The following AMOTL1 variants were observed in gnomAD, a reference collection of about 807,000 sequenced individuals.
The protein encoded by AMOTL1 is angiomotin-like protein 1.
AMOTL1 carries 45 observed loss-of-function variants against 102.9 expected under a neutral mutation model. The observed-to-expected ratio is 0.44, with a 90% CI of 0.34 to 0.56. The LOEUF (loss-of-function observed/expected upper bound fraction) is 0.56, where lower values mean the gene tolerates loss of function less well. Ranked by LOEUF, AMOTL1 falls within the 20% of genes least tolerant of loss-of-function variation. The probability of loss-of-function intolerance (pLI) is 0.01; values close to 1 mark genes in which losing one functional copy is unlikely to be tolerated. For synonymous variants in AMOTL1, 481 were observed against 484.7 expected, an observed-to-expected ratio of 0.99 and a Z score of 0.10; for missense variants, 1,114 against 1,225.6, an observed-to-expected ratio of 0.91 and a Z score of 1.36.
At chr11:94,750,122 C>A (rs967515326) in intron 3 of AMOTL1, among the ~76,000 whole-genome samples, 1 of 152,174 alleles carries the variant, frequency 6.6e-6, no homozygotes, top group Non-Finnish European at 1.5e-5. Context: ...ATAACAATTT[C>A]CAAGCATTTG....
rs1222025368 is a variant in AMOTL1, at chr11:94,795,115, T to C, written c.154T>C (p.Ser52Pro). 2.5e-6 allele frequency: 4 copies of C among 1,613,962 alleles called. No homozygotes were observed. Among genetic ancestry groups the C allele is most frequent in the Non-Finnish European group, 3.4e-6 (4 of 1,179,878 alleles). ...FQLYSGRHET[S>P]ALTVEATSSI... ...GCTCTATTCTGGGAGGCATGAAACA[T>C]CTGCTTTGACGGTGGAGGCAACCAG... The change falls in exon 2 of 13, where the codon TCT becomes CCT. Residue 52 changes from serine to proline, a missense_variant. Physicochemically the swap from Ser to Pro is moderately conservative, Grantham distance 74. Transcript: ENST00000433060.
chr11:94,854,042 C>T lies in AMOTL1; in HGVS notation c.1904C>T (p.Thr635Ile), dbSNP rs1952606195. The change falls in exon 8 of 13, where the codon ACT becomes ATT. Residue 635 changes from threonine to isoleucine, a missense_variant. Coordinates refer to ENST00000433060, the MANE Select transcript of AMOTL1 (RefSeq NM_130847.3). ...GAACAGATGGAGCGGAGACTGCGGA[C>T]TTGGCTGGAGAGAGAGCTGGATGCA... ...KREQMERRLR[T>I]WLERELDALR... 6.4e-7 allele frequency: 1 copy of T among 1,559,646 alleles called. No individual in the cohort carries two copies. The highest frequency in any genetic ancestry group is 1.2e-5 in the South Asian group (1 of 84,720).
At chr11:94,724,863 T>C (rs1950230365) in intron 1 of AMOTL1, among the ~76,000 whole-genome samples, 1 of 152,148 alleles carries the variant, frequency 6.6e-6, no homozygotes, top group Non-Finnish European at 1.5e-5. Context: ...ATGGTGTTCA[T>C]ATGCGTTAGA....
At chr11:94,776,519 C>G (rs1225832301) in intron 1 of AMOTL1, among the ~76,000 whole-genome samples, 1 of 152,218 alleles carries the variant, frequency 6.6e-6, no homozygotes, top group Non-Finnish European at 1.5e-5. Context: ...CCACCCTTCT[C>G]AGAATAGGCC....
intron 9 of AMOTL1, among the ~76,000 whole-genome samples, chr11:94,862,181 C>G (rs1029861490): frequency 2.0e-5 from 3 of 152,180 alleles, no homozygotes; most frequent in East Asian, 1.9e-4. Context: ...ACTACCCTCC[C>G]CATTACAGAC....
chr11:94,871,808 G>C lies in AMOTL1; in HGVS notation c.*1013G>C, dbSNP rs541006876. 1.1e-4 allele frequency: 17 copies of C among 152,262 alleles called. No individual in the cohort carries two copies. Among genetic ancestry groups the C allele is most frequent in the African/African-American group, 3.9e-4 (16 of 41,546 alleles). The allele number at this position is 152,262 out of a possible 1,614,324, so 9.4% of individuals were successfully genotyped here. ...TTTCACATCGGCTGTCTTGCAAGGA[G>C]CTTGACATTTCCAAATTCCATTGCT... is the stretch of plus-strand genomic sequence containing the variant. On this transcript the variant is annotated 3_prime_UTR_variant, in exon 13 of 13. Coordinates refer to ENST00000433060, the MANE Select transcript of AMOTL1 (RefSeq NM_130847.3).
chr11:94,857,753 A>G (rs1415664725), intron 8 of AMOTL1, among the ~76,000 whole-genome samples: 1 of 152,234 alleles, frequency 6.6e-6, no homozygotes, highest in Non-Finnish European at 1.5e-5. Flanking sequence ...CATGTAGCTA[A>G]TGAGGACATT....
intron 4 of AMOTL1, 57 bp from the exon 5 acceptor site, chr11:94,829,993 C>T: frequency 2.7e-6 from 4 of 1,503,216 alleles, no homozygotes; most frequent in Non-Finnish European, 3.6e-6. Context: ...ATCCATTTTA[C>T]CAAGACACCA....
At chr11:94,728,224 G>A (rs1447609116) in intron 1 of AMOTL1, among the ~76,000 whole-genome samples, 1 of 152,066 alleles carries the variant, frequency 6.6e-6, no homozygotes, top group Non-Finnish European at 1.5e-5. Flanking sequence ...GTTGTAATCA[G>A]CCCAGGTACA....
At position 94,859,650 on chromosome 11, in the gene AMOTL1, G is replaced by A. The variant is rs376508045; in HGVS notation, c.2070G>A (p.Lys690=). ...CCGACATGACAAAGTGGGAGCAGAA[G>A]TACCTGGAGGAGAGCACCATCCGAC... ...LEADMTKWEQ[K]YLEESTIRHF... The change falls in exon 9 of 13, where the codon AAG becomes AAA. Residue 690 remains lysine (K), a synonymous_variant. Transcript: ENST00000433060. The A allele has an allele frequency of 2.7e-5, 44 of 1,613,428 alleles. No homozygotes were observed. Among genetic ancestry groups the A allele is most frequent in the African/African-American group, 1.5e-4 (11 of 75,036 alleles).
rs746812388 is a variant in AMOTL1, at chr11:94,799,990, A to G, written c.800A>G (p.Gln267Arg). 1 of 1,614,046 alleles carries G rather than the reference A, an allele frequency of 6.2e-7. No individual in the cohort carries two copies. Among genetic ancestry groups the G allele is most frequent in the Non-Finnish European group, 8.5e-7 (1 of 1,179,898 alleles). ...HVRSLSERIMQLSLERNGAKQ... is the reference protein window; with the variant it reads ...HVRSLSERIMRLSLERNGAKQ... ...CGCTCGCTCAGCGAGAGAATCATGC[A>G]GCTGTCCCTGGAGAGGAATGGGGCC... The change falls in exon 3 of 13, where the codon CAG (glutamine) becomes CGG (arginine). Residue 267 changes from glutamine to arginine, a missense_variant. Physicochemically the swap from Gln to Arg is conservative, Grantham distance 43 (BLOSUM62 1). Transcript: ENST00000433060. This position sits in a 1 kb window ranked among gnomAD's most constrained non-coding sequence, Gnocchi z 4.5.
intron 1 of AMOTL1, among the ~76,000 whole-genome samples, chr11:94,779,728 A>C (rs1224546291): frequency 6.6e-6 from 1 of 152,182 alleles, no homozygotes; most frequent in Non-Finnish European, 1.5e-5. Flanking sequence ...ATTGATTTAG[A>C]CATTTTTTTC....
At chr11:94,761,362 T>A (rs1950790597) in intron 3 of AMOTL1, among the ~76,000 whole-genome samples, 1 of 151,948 alleles carries the variant, frequency 6.6e-6, no homozygotes, top group South Asian at 2.1e-4. Context: ...CTAATTTTTG[T>A]ATTTTTAGTA....
At chr11:94,712,858 T>C (rs1950040451) in intron 1 of AMOTL1, among the ~76,000 whole-genome samples, 1 of 151,956 alleles carries the variant, frequency 6.6e-6, no homozygotes, top group Non-Finnish European at 1.5e-5. Context: ...AGTTAATCAA[T>C]TTTTCCTTTA....
In AMOTL1 at chr11:94,866,063, C is replaced by A; in HGVS notation, c.2383C>A (p.Pro795Thr). 6.2e-7 allele frequency: 1 copy of A among 1,613,974 alleles called. No homozygotes were observed. Among genetic ancestry groups the A allele is most frequent in the Non-Finnish European group, 8.5e-7 (1 of 1,179,902 alleles). Residue 795 changes from proline (P) to threonine (T), a missense_variant, in exon 11 of 13, where the codon CCA (proline) becomes ACA (threonine). Physicochemically the swap from Pro to Thr is conservative, Grantham distance 38. Coordinates refer to ENST00000433060, the MANE Select transcript of AMOTL1 (RefSeq NM_130847.3). ...SSSLRPARSV[P>T]SIAAATGTHS... ...CAGCCTACGTCCTGCCCGCTCCGTT[C>A]CATCCATAGCAGCAGCTACTGGGAC...
rs1951340077 is a variant in AMOTL1 at position 94,795,035 on chromosome 11, C to T, written c.74C>T (p.Pro25Leu). 1 of 1,612,424 alleles carries T rather than the reference C, an allele frequency of 6.2e-7. No individual in the cohort carries two copies. Among genetic ancestry groups the T allele is most frequent in the Non-Finnish European group, 8.5e-7 (1 of 1,179,402 alleles). ...GGGTCCCCTTCTGCTTGTTATAGCC[C>T]CAGTAGTCCTGTCCAGGTTCTAGAA... is the stretch of plus-strand genomic sequence containing the variant. ...VKGSPSACYS[P>L]SSPVQVLEDS... Residue 25 changes from proline to leucine, a missense_variant, in exon 2 of 13, where the codon CCC (proline) becomes CTC (leucine). Coordinates refer to ENST00000433060, the MANE Select transcript of AMOTL1 (RefSeq NM_130847.3).
At chr11:94,765,599 T>C (rs1950846302), upstream of AMOTL1, among the ~76,000 whole-genome samples, 3 of 152,326 alleles carry the variant, frequency 2.0e-5, no homozygotes, top group Admixed American at 6.5e-5. Flanking sequence ...GGGTATTAAT[T>C]TGAGGAGTCT....
chr11:94,751,100 G>A (rs559156532), intron 3 of AMOTL1, among the ~76,000 whole-genome samples: 2 of 152,266 alleles, frequency 1.3e-5, no homozygotes, highest in South Asian at 2.1e-4. Context: ...CTCCTAGGGA[G>A]ACTGTATTGG....
intron 1 of AMOTL1, among the ~76,000 whole-genome samples, chr11:94,725,367 T>G (rs1052014214): frequency 6.6e-6 from 1 of 151,964 alleles, no homozygotes; most frequent in African/African-American, 2.4e-5. Context: ...ATGGGTGAGG[T>G]TGCAAACAGA....
Sources: allele counts gnomAD v4.1 joint callset (sites outside exome capture counted in the v4.1 genomes callset), GRCh38; gene constraint gnomAD v4.1.1; non-coding constraint Gnocchi (gnomAD v3.1); transcripts MANE v1.5; gene names NCBI Gene and HGNC (gene_info 2026-07-23, HGNC 2026-07-21).